The following RNF17 variants were observed in gnomAD, a reference collection of about 807,000 sequenced individuals.
RNF17 encodes the protein ring finger protein 17.
In RNF17, 31 loss-of-function variants were observed where a neutral mutation model predicts 200.5. The ratio of observed to expected loss-of-function variants is 0.15; its 90% CI spans 0.12 to 0.21. The LOEUF (loss-of-function observed/expected upper bound fraction) is 0.21. RNF17 is among the 10% of genes least tolerant of loss of function. The probability of loss-of-function intolerance (pLI) is 1.00; values close to 1 mark genes in which losing one functional copy is unlikely to be tolerated. For missense variants in RNF17, 1,628 were observed against 1,905.1 expected (o/e 0.85, Z 2.71); for synonymous variants, 606 against 637.8 (o/e 0.95, Z 0.75).
At chr13:24,845,298 A>C (rs1339504352) in intron 22 of RNF17, among the ~76,000 whole-genome samples, 2 of 152,226 alleles carry the variant, frequency 1.3e-5, no homozygotes, top group African/African-American at 4.8e-5. Flanking sequence ...AAACCGTTGA[A>C]TATTAAAAAT....
At chr13:24,762,293 C>T (rs574820354), upstream of RNF17, among the ~76,000 whole-genome samples, 1 of 148,052 alleles carries the variant, frequency 6.8e-6, no homozygotes, top group East Asian at 2.0e-4. Context: ...TTGCTTGAAC[C>T]CGGAGACCAA....
At chr13:24,870,322 G>A (rs1894121158) in intron 31 of RNF17, among the ~76,000 whole-genome samples, 1 of 151,332 alleles carries the variant, frequency 6.6e-6, no homozygotes, top group Non-Finnish European at 1.5e-5. Context: ...GAACTCAAGC[G>A]ATCCTCCCAC....
At chr13:24,768,839 C>G (rs1880196054) in intron 2 of RNF17, among the ~76,000 whole-genome samples, 1 of 151,878 alleles carries the variant, frequency 6.6e-6, no homozygotes, top group South Asian at 2.1e-4. Context: ...TAAAATAACC[C>G]TTCATTATTT....
At chr13:24,821,312 G>A (rs575354670) in intron 15 of RNF17, among the ~76,000 whole-genome samples, 17 of 152,212 alleles carry the variant, frequency 1.1e-4, no homozygotes, top group South Asian at 2.1e-4. Flanking sequence ...TTGAGATACT[G>A]GAGATTATAG....
intron 2 of RNF17, among the ~76,000 whole-genome samples, chr13:24,768,535 C>T (rs980132455): frequency 5.3e-5 from 8 of 152,142 alleles, no homozygotes; most frequent in African/African-American, 1.4e-4. Flanking sequence ...CCGCCCACCT[C>T]GGCCTCCCAA....
At chr13:24,805,240 A>G (rs1444934279) in intron 15 of RNF17, among the ~76,000 whole-genome samples, 1 of 152,132 alleles carries the variant, frequency 6.6e-6, no homozygotes, top group Admixed American at 6.6e-5. Flanking sequence ...ATAGTTTTTA[A>G]TAATTGTTCA....
In RNF17 at chr13:24,866,094, T is replaced by C. The variant is rs759475063; in HGVS notation, c.4102-50T>C. ...GTGGGGATGAAATATGGAAAGTACCTTAAAACAATATAGCTAAAGGTGATT... is the reference window on the plus strand; with the variant it reads ...GTGGGGATGAAATATGGAAAGTACCCTAAAACAATATAGCTAAAGGTGATT... On this transcript the variant is annotated intron_variant, in intron 29 of 35. Transcript: ENST00000255324. 8.7e-6 allele frequency: 9 copies of C among 1,037,138 alleles called. No individual in the cohort carries two copies. In the East Asian group the frequency reaches 2.2e-4, roughly 26 times the overall value. 64.2% of individuals were successfully genotyped at this position (1,037,138 alleles called of 1,614,324 possible).
Position 24,781,929 on chromosome 13 carries a change from C to CT in RNF17, c.603dup (p.Asp202Ter), listed in dbSNP as rs1381370053. 4 of 1,606,572 alleles carry CT rather than the reference C, an allele frequency of 2.5e-6. No individual in the cohort carries two copies. The highest frequency in any genetic ancestry group is 1.1e-5 in the South Asian group (1 of 90,100). On this transcript the variant is annotated frameshift_variant, in exon 6 of 36. Transcript: ENST00000255324. LOFTEE classifies it high-confidence loss of function. ...GAGAAACAGTTTGACCAACTTTTGG[C>CT]TTTTTTTGATTCCAGGTTAGTAACT...
At chr13:24,813,299 A>G (rs576226930) in intron 15 of RNF17, among the ~76,000 whole-genome samples, 33 of 152,162 alleles carry the variant, frequency 2.2e-4, no homozygotes, top group African/African-American at 7.0e-4. Context: ...TGCTAGTACT[A>G]CAGGCACATA....
At position 24,778,303 on chromosome 13, in the gene RNF17, A is replaced by G. The variant is rs1321103758; in HGVS notation, c.326A>G (p.Asn109Ser). 6.3e-7 allele frequency: 1 copy of G among 1,599,772 alleles called. No individual in the cohort carries two copies. Among genetic ancestry groups the G allele is most frequent in the South Asian group, 1.1e-5 (1 of 90,650 alleles). Residue 109 changes from asparagine (N) to serine (S), a missense_variant, in exon 4 of 36, where the codon AAT (asparagine) becomes AGT (serine). By Grantham distance (46) the Asn-to-Ser change is conservative. Around this residue, in one of 5 missense-constraint regions of RNF17, gnomAD observed 502 missense variants for 501.7 expected, o/e 1.00. Coordinates refer to ENST00000255324, the MANE Select transcript of RNF17 (RefSeq NM_031277.3). The part of the protein sequence containing the change: ...MEKLQPKTIK[N>S]CSQDFKKTAD... ...TACTTGATACTTTTCAGGATAAAGA[A>G]TTGTTCTCAGGACTTTAAGAAGACT...
At chr13:24,831,813 A>G in intron 17 of RNF17, 45 bp from the exon 18 acceptor site, 5 of 1,546,236 alleles carry the variant, frequency 3.2e-6, no homozygotes, top group Non-Finnish European at 4.4e-6. Context: ...TAAAGTAGGT[A>G]GAAATTAAAT....
In RNF17 at chr13:24,861,800, TAGG is replaced by T. The variant is rs532270967; in HGVS notation, c.3894+416_3894+418del. Among the ~76,000 whole-genome samples the T allele has an allele frequency of 3.4e-3, 516 of 152,268 alleles. 1 individual carries two copies. Among genetic ancestry groups the T allele is most frequent in the Admixed American group, 6.5e-3 (99 of 15,296 alleles). On this transcript the variant is annotated intron_variant, in intron 27 of 35. Coordinates refer to ENST00000255324, the MANE Select transcript of RNF17 (RefSeq NM_031277.3). Reference sequence around the variant, plus strand: ...CATGCAGTTTCTATGGTTCAGGGATTAGGAGTGGCTTAGCTGGTTTGTTTTGAC... The same window carrying T: ...CATGCAGTTTCTATGGTTCAGGGATTAGTGGCTTAGCTGGTTTGTTTTGAC...
At position 24,814,322 on chromosome 13, in the gene RNF17, A is replaced by G. The variant is rs531260040; in HGVS notation, c.2091+9893A>G. Among the ~76,000 whole-genome samples, 8 of 152,248 alleles carry G rather than the reference A, an allele frequency of 5.3e-5. No homozygotes were observed. The East Asian group carries it at 1.5e-3, about 29-fold the overall frequency. Reference sequence around the variant, plus strand: ...TCCAAGGCTGGCTGTATTTTCTCCCATTTTGTGGGTTGTCTTTTCACTTTC... The same window carrying G: ...TCCAAGGCTGGCTGTATTTTCTCCCGTTTTGTGGGTTGTCTTTTCACTTTC... On this transcript the variant is annotated intron_variant, in intron 15 of 35. Coordinates refer to ENST00000255324, the MANE Select transcript of RNF17 (RefSeq NM_031277.3).
At chr13:24,767,815 A>C (rs548480157) in intron 2 of RNF17, among the ~76,000 whole-genome samples, 1 of 152,294 alleles carries the variant, frequency 6.6e-6, no homozygotes, top group East Asian at 1.9e-4. Context: ...AAACCTAACA[A>C]AAGATAAAAC....
chr13:24,789,113 C>G (rs1445837951), intron 7 of RNF17, among the ~76,000 whole-genome samples: 1 of 152,088 alleles, frequency 6.6e-6, no homozygotes. Context: ...TGAATCTGAT[C>G]GAGTTTTCTC....
the RNF17 span, chr13:24,885,538 T>C: frequency 1.5e-6 from 2 of 1,292,442 alleles, no homozygotes; most frequent in East Asian, 4.6e-5. Context: ...AAACGTTAAG[T>C]CTATTAACAA....
At chr13:24,885,878 C>CA in the RNF17 span, 3 of 563,952 alleles carry the variant, frequency 5.3e-6, no homozygotes, top group South Asian at 4.2e-5. Flanking sequence ...TATCTTGTCT[C>CA]AGAGTTTACA....
At chr13:24,810,476 T>C (rs1172939124) in intron 15 of RNF17, among the ~76,000 whole-genome samples, 1 of 133,372 alleles carries the variant, frequency 7.5e-6, no homozygotes, top group Admixed American at 7.6e-5. Context: ...CTGCCTTTTT[T>C]TGTTTTCCAT....
intron 5 of RNF17, among the ~76,000 whole-genome samples, chr13:24,780,284 G>A (rs891146470): frequency 5.9e-5 from 9 of 152,058 alleles, no homozygotes; most frequent in African/African-American, 1.9e-4. Flanking sequence ...TGAGAAATAC[G>A]ATAAAAGTAA....
Sources: gnomAD v4.1 joint callset for allele counts (sites outside exome capture counted in the v4.1 genomes callset) on GRCh38, gnomAD v4.1.1 for gene constraint, gnomAD v4.1.1 regional missense constraint, MANE v1.5 for transcripts, NCBI Gene and HGNC (gene_info 2026-07-23, HGNC 2026-07-21) for gene names.